GNB2: variants seen among roughly 807,000 people sequenced by gnomAD.
The protein encoded by GNB2 is G protein subunit beta 2, also known as guanine nucleotide-binding protein G(I)/G(S)/G(T) subunit beta-2.
A neutral mutation model predicts 40.7 loss-of-function variants in GNB2; 7 were observed. That is an observed-to-expected ratio of 0.17 (90% CI 0.10 to 0.32). GNB2 has a LOEUF of 0.32. GNB2 is among the 10% of genes least tolerant of loss of function. The pLI, the probability that GNB2 is intolerant of heterozygous loss-of-function variation, is 1.00. For synonymous variants in GNB2, 254 were observed against 191.2 expected (o/e 1.33, Z -2.71); for missense variants, 286 against 473.0 (o/e 0.60, Z 3.67).
Position 100,679,162 on chromosome 7 carries a change from A to C in GNB2, c.*361A>C. On this transcript the variant is annotated 3_prime_UTR_variant, in exon 10 of 10. Coordinates refer to ENST00000303210, the MANE Select transcript of GNB2 (RefSeq NM_005273.4). ...TTTTTCCATAAAGGAGCCAATTCCA[A>C]CTCTGTACCTGGTCTCTGCCCTTGC... 1.6e-5 allele frequency: 3 copies of C among 189,150 alleles called. No homozygotes were observed. Among genetic ancestry groups the C allele is most frequent in the Non-Finnish European group, 2.2e-5 (2 of 90,154 alleles). 11.7% of individuals were successfully genotyped at this position (189,150 alleles called of 1,614,324 possible).
At position 100,679,041 on chromosome 7, in the gene GNB2, G is replaced by GC; in HGVS notation, c.*242dup. On this transcript the variant is annotated 3_prime_UTR_variant, in exon 10 of 10. Transcript: ENST00000303210. ...ATCCTTCTGCTGCCCTGGGGTTGGG[G>GC]CCTCACCCCTCTGGAGGGCCGGAGG... The GC allele has an allele frequency of 1.9e-6, 1 of 514,762 alleles. No individual in the cohort carries two copies. Among genetic ancestry groups the GC allele is most frequent in the East Asian group, 3.0e-5 (1 of 33,254 alleles). 31.9% of individuals were successfully genotyped at this position (514,762 alleles called of 1,614,324 possible). A position where few individuals can be genotyped will look rare whatever the true frequency, so the allele number is the denominator to read the frequency against.
intron 1 of GNB2, among the ~76,000 whole-genome samples, chr7:100,674,694 C>T (rs1265914197): frequency 2.0e-5 from 3 of 152,222 alleles, no homozygotes; most frequent in Non-Finnish European, 4.4e-5. Context: ...CTCTATGGAG[C>T]GCCGGCTGCT....
intron 7 of GNB2, 126 bp from the exon 8 acceptor site, chr7:100,677,972 A>G: frequency 9.9e-7 from 1 of 1,011,938 alleles, no homozygotes; most frequent in East Asian, 2.5e-5. Context: ...CTCCCCACCT[A>G]AGGCTCTGAG....
intron 1 of GNB2, among the ~76,000 whole-genome samples, chr7:100,674,901 A>C (rs1002465053): frequency 2.6e-5 from 4 of 151,942 alleles, no homozygotes; most frequent in African/African-American, 7.3e-5. Context: ...TAGAGTAAGG[A>C]GTTCTGCCCG....
chr7:100,674,057 C>G (rs987700327), intron 1 of GNB2, 134 bp downstream of exon 1: 1 of 153,086 alleles, frequency 6.5e-6, no homozygotes, highest in African/African-American at 2.4e-5. Context: ...CTCCCTTCCC[C>G]TCTTGCCCGG....
chr7:100,676,081 T>TC, intron 1 of GNB2, 96 bp from the exon 2 acceptor site: 3 of 480,812 alleles, frequency 6.2e-6, no homozygotes. Flanking sequence ...CCCTTCCCCC[T>TC]CCCCTTGCTT....
Position 100,678,817 on chromosome 7 carries a change from T to TGGGCCCAGGCCAGGAG in GNB2, c.*23_*38dup, listed in dbSNP as rs1562859240. On this transcript the variant is annotated 3_prime_UTR_variant, in exon 10 of 10. Coordinates refer to ENST00000303210, the MANE Select transcript of GNB2 (RefSeq NM_005273.4). ...CTGGAACTAATGGCCCCACCCCCACTGGGCCCAGGCCAGGAGGGGCCCTGC... is the reference window on the plus strand; with the variant it reads ...CTGGAACTAATGGCCCCACCCCCACTGGGCCCAGGCCAGGAGGGGCCCAGGCCAGGAGGGGCCCTGC... 1 of 1,574,920 alleles carries TGGGCCCAGGCCAGGAG rather than the reference T, an allele frequency of 6.3e-7. No homozygotes were observed. The highest frequency in any genetic ancestry group is 2.2e-5 in the East Asian group (1 of 44,708).
In GNB2 at chr7:100,677,931, G is replaced by A; in HGVS notation, c.497+113G>A. 3 of 1,071,598 alleles carry A rather than the reference G, an allele frequency of 2.8e-6. 1 individual carries two copies. In the South Asian group the frequency reaches 4.2e-5, roughly 15 times the overall value. 66.4% of individuals were successfully genotyped at this position (1,071,598 alleles called of 1,614,324 possible). On this transcript the variant is annotated intron_variant, in intron 7 of 9. Coordinates refer to ENST00000303210, the MANE Select transcript of GNB2 (RefSeq NM_005273.4). ...CACCGTAGCCTCCCTCTCCTGGTGG[G>A]CGCTAAGGGGGTCAGGGAGGGATGC...
intron 9 of GNB2, 33 bp from the exon 10 acceptor site, chr7:100,678,662 C>A: frequency 6.2e-7 from 1 of 1,603,220 alleles, no homozygotes; most frequent in Non-Finnish European, 8.5e-7. Flanking sequence ...GGAGCCCAGG[C>A]CCAATGGGTT....
intron 1 of GNB2, among the ~76,000 whole-genome samples, chr7:100,675,070 A>G (rs1341234305): frequency 4.6e-5 from 7 of 150,820 alleles, no homozygotes; most frequent in Non-Finnish European, 8.9e-5. Context: ...TGCAGTGTGT[A>G]CGGCCGGATC....
Sources: gnomAD v4.1 joint callset for allele counts (sites outside exome capture counted in the v4.1 genomes callset) on GRCh38, gnomAD v4.1.1 for gene constraint, MANE v1.5 for transcripts, NCBI Gene and HGNC (gene_info 2026-07-23, HGNC 2026-07-21) for gene names.